The following SDK1 variants were observed in gnomAD, a reference collection of about 807,000 sequenced individuals.
SDK1 encodes protein sidekick-1.
In SDK1, 157 loss-of-function variants were observed where a neutral mutation model predicts 245.5. The ratio of observed to expected loss-of-function variants is 0.64; its 90% confidence interval spans 0.56 to 0.73. SDK1 has a LOEUF of 0.73. SDK1 is among the 30% of genes least tolerant of loss of function. SDK1 has a pLI of 0.00. For missense variants in SDK1, 3,583 were observed against 3,002.3 expected (o/e 1.19, Z -4.52); for synonymous variants, 1,647 against 1,278.5 (o/e 1.29, Z -6.15).
intron 4 of SDK1, among the ~76,000 whole-genome samples, chr7:3,727,866 A>G (rs1048304397): frequency 1.3e-5 from 2 of 152,094 alleles, no homozygotes; most frequent in Non-Finnish European, 2.9e-5. Flanking sequence ...AGATTTTCCT[A>G]GTTTTTGCTC....
rs71032914 is a variant in SDK1, at chr7:3,906,617, C to CTTT, written c.848-44280_848-44278dup. On this transcript the variant is annotated intron_variant, in intron 5 of 44. Coordinates refer to ENST00000404826, the MANE Select transcript of SDK1 (RefSeq NM_152744.4). The stretch of plus-strand genomic sequence containing the variant: ...CAAGACACAGGTAGCATTTCAGTGT[C>CTTT]TTTTTTTTTTTTTTTTTTTTTTTTT... Among the ~76,000 whole-genome samples, 559 of 57,262 alleles carry CTTT rather than the reference C, an allele frequency of 9.8e-3. 113 individuals carry two copies. The highest frequency in any genetic ancestry group is 0.018 in the Admixed American group (58 of 3,272). 37.6% of individuals were successfully genotyped at this position (57,262 alleles called of 152,430 possible). A position where few individuals can be genotyped will look rare whatever the true frequency, so the allele number is the denominator to read the frequency against.
chr7:3,545,971 G>A (rs1375497758), intron 1 of SDK1, among the ~76,000 whole-genome samples: 1 of 152,208 alleles, frequency 6.6e-6, no homozygotes, highest in African/African-American at 2.4e-5. Context: ...TTGAAAGAAA[G>A]ACTTTAGTAA....
intron 28 of SDK1, among the ~76,000 whole-genome samples, chr7:4,142,097 T>C (rs1045896966): frequency 6.6e-6 from 1 of 152,124 alleles, no homozygotes; most frequent in African/African-American, 2.4e-5. Context: ...GAAATCTTTT[T>C]AGCCACTTGT....
At chr7:3,352,338 G>A (rs1037429524) in intron 1 of SDK1, among the ~76,000 whole-genome samples, 4 of 151,950 alleles carry the variant, frequency 2.6e-5, no homozygotes, top group Admixed American at 2.0e-4. Context: ...TTCTTAGGAG[G>A]CTAGTGATCA....
At chr7:3,958,154 T>C in intron 7 of SDK1, 1 of 359,948 alleles carries the variant, frequency 2.8e-6, no homozygotes, top group South Asian at 2.1e-5. Context: ...TTCCCAGAAA[T>C]TAATTATCGC....
At chr7:4,136,620 CCT>C (rs1415335595) in intron 28 of SDK1, among the ~76,000 whole-genome samples, 1 of 152,178 alleles carries the variant, frequency 6.6e-6, no homozygotes, top group Non-Finnish European at 1.5e-5. Context: ...GTTGGAACCC[CCT>C]GAGTACAGAC....
At position 3,778,264 on chromosome 7, in the gene SDK1, T is replaced by A. The variant is rs1358724261; in HGVS notation, c.714-43186T>A. ...TTTTTTCCTAACTTATATTAGTCCA[T>A]ATTTTAATAGTAGTTTCCTAAAGAA... On this transcript the variant is annotated intron_variant, in intron 4 of 44. Coordinates refer to ENST00000404826, the MANE Select transcript of SDK1 (RefSeq NM_152744.4). 5.3e-5 allele frequency among the ~76,000 whole-genome samples: 8 copies of A among 152,270 alleles called. No individual in the cohort carries two copies. The East Asian group carries it at 1.5e-3, about 29-fold the overall frequency.
At chr7:3,474,542 T>C (rs1033907620) in intron 1 of SDK1, among the ~76,000 whole-genome samples, 1 of 152,106 alleles carries the variant, frequency 6.6e-6, no homozygotes, top group African/African-American at 2.4e-5. Context: ...TTCTATCACA[T>C]TGGACGTTTA....
intron 2 of SDK1, among the ~76,000 whole-genome samples, chr7:3,634,682 CT>C (rs1782400105): frequency 6.6e-6 from 1 of 152,234 alleles, no homozygotes. Flanking sequence ...ATATTCCCAT[CT>C]GTTAGGTGAA....
At chr7:3,932,329 T>C (rs1780005645) in intron 5 of SDK1, among the ~76,000 whole-genome samples, 1 of 152,218 alleles carries the variant, frequency 6.6e-6, no homozygotes, top group African/African-American at 2.4e-5. Context: ...CCTCTCTCTG[T>C]CGTCAACTTT....
At chr7:4,145,011 C>A (rs1031257260) in intron 28 of SDK1, among the ~76,000 whole-genome samples, 1 of 152,284 alleles carries the variant, frequency 6.6e-6, no homozygotes, top group East Asian at 1.9e-4. Context: ...AGGCCTGGGG[C>A]GGCCAGTGGA....
intron 1 of SDK1, among the ~76,000 whole-genome samples, chr7:3,484,774 G>A (rs1230119509): frequency 6.6e-6 from 1 of 152,006 alleles, no homozygotes; most frequent in African/African-American, 2.4e-5. Flanking sequence ...TGTCTTTCTG[G>A]GCCTGACTTT....
intron 1 of SDK1, among the ~76,000 whole-genome samples, chr7:3,601,980 ATCCATGTC>A: frequency 6.6e-6 from 1 of 152,020 alleles, no homozygotes; most frequent in African/African-American, 2.4e-5. Flanking sequence ...TTCCAGTTTC[ATCCATGTC>A]TCTACAAAGG....
At chr7:3,581,518 G>A (rs1274181358) in intron 1 of SDK1, among the ~76,000 whole-genome samples, 1 of 152,150 alleles carries the variant, frequency 6.6e-6, no homozygotes, top group African/African-American at 2.4e-5. Flanking sequence ...CAGGTTGTGG[G>A]GAAAGGGGAG....
At chr7:3,475,539 G>A (rs186832561) in intron 1 of SDK1, among the ~76,000 whole-genome samples, 5 of 152,258 alleles carry the variant, frequency 3.3e-5, no homozygotes, top group East Asian at 1.9e-4. Flanking sequence ...TTCCTCTAAC[G>A]TCTTTTCTAA....
At chr7:3,800,468 G>C (rs943034434) in intron 4 of SDK1, among the ~76,000 whole-genome samples, 1 of 151,946 alleles carries the variant, frequency 6.6e-6, no homozygotes, top group African/African-American at 2.4e-5. Context: ...TGCAACTTCT[G>C]CCTCCTGGGT....
intron 1 of SDK1, among the ~76,000 whole-genome samples, chr7:3,471,930 A>G (rs1019976418): frequency 6.6e-6 from 1 of 152,194 alleles, no homozygotes; most frequent in African/African-American, 2.4e-5. Flanking sequence ...TCCTTTTGAA[A>G]ATAATCAAAC....
At chr7:3,777,226 A>G (rs778587793) in intron 4 of SDK1, among the ~76,000 whole-genome samples, 63 of 152,340 alleles carry the variant, frequency 4.1e-4, no homozygotes, top group Non-Finnish European at 7.5e-4. Flanking sequence ...CCTGTGCAGA[A>G]CGCGAGTTTG....
At chr7:3,303,647 G>A (rs188245249) in intron 1 of SDK1, among the ~76,000 whole-genome samples, 21 of 152,300 alleles carry the variant, frequency 1.4e-4, no homozygotes, top group African/African-American at 5.1e-4. Context: ...GCTTATGAAA[G>A]TGTACAGATC....
Sources: allele counts gnomAD v4.1 joint callset (sites outside exome capture counted in the v4.1 genomes callset), GRCh38; gene constraint gnomAD v4.1.1; transcripts MANE v1.5; gene names NCBI Gene and HGNC (gene_info 2026-07-23, HGNC 2026-07-21).